DYRK4: variants seen among roughly 807,000 people sequenced by gnomAD.
The protein encoded by DYRK4 is dual specificity tyrosine phosphorylation regulated kinase 4, also known as dual specificity tyrosine-phosphorylation-regulated kinase 4.
In DYRK4, 64 loss-of-function variants were observed where a neutral mutation model predicts 68.3. The ratio of observed to expected loss-of-function variants is 0.94; its 90% CI spans 0.77 to 1.15. The LOEUF is 1.15. Among genes scored for constraint, DYRK4 ranks in the 50% most tolerant of loss-of-function variants. DYRK4 has a pLI of 0.00. For synonymous variants in DYRK4, 274 were observed against 289.9 expected, an observed-to-expected ratio of 0.95 and a Z score of 0.56; for missense variants, 740 against 764.7, an observed-to-expected ratio of 0.97 and a Z score of 0.38.
chr12:4,606,566 A>C (rs181979810), intron 11 of DYRK4, among the ~76,000 whole-genome samples: 1 of 152,206 alleles, frequency 6.6e-6, no homozygotes, highest in Non-Finnish European at 1.5e-5. Context: ...GGCATTTCCC[A>C]GCTCTGGACT....
intron 2 of DYRK4, among the ~76,000 whole-genome samples, chr12:4,569,644 A>G (rs533512906): frequency 1.4e-4 from 22 of 152,168 alleles, no homozygotes; most frequent in African/African-American, 5.3e-4. Context: ...ATTTGAAAGT[A>G]GAGACAGGGT....
At chr12:4,579,384 A>G (rs1489215607) in intron 2 of DYRK4, among the ~76,000 whole-genome samples, 2 of 152,204 alleles carry the variant, frequency 1.3e-5, no homozygotes, top group African/African-American at 4.8e-5. Context: ...ATGCAGGTAG[A>G]AACAGTTCTC....
At chr12:4,612,771 C>T (rs1481013834) in intron 14 of DYRK4, 53 bp downstream of exon 14, 1 of 1,581,432 alleles carries the variant, frequency 6.3e-7, no homozygotes, top group South Asian at 1.1e-5. Flanking sequence ...AATTAATATT[C>T]TAGAATTCTG....
intron 10 of DYRK4, among the ~76,000 whole-genome samples, chr12:4,600,657 A>C (rs1356500003): frequency 6.6e-6 from 1 of 151,426 alleles, no homozygotes; most frequent in Admixed American, 6.6e-5. Context: ...AGAATATAAT[A>C]AAAGACACAG....
At chr12:4,562,978 T>C (rs1944643543) in intron 1 of DYRK4, 1 of 438,320 alleles carries the variant, frequency 2.3e-6, no homozygotes, top group South Asian at 1.6e-5. Flanking sequence ...CCCTCAAAGC[T>C]TAGGAAAACC....
Position 4,613,337 on chromosome 12 carries a change from A to C in DYRK4, c.1667-178A>C, listed in dbSNP as rs530401130. ...CAGGGTCGCTGAAATGATCAGACGA[A>C]TTAGTAAATGTACAGTGCTTAGAAT... On this transcript the variant is annotated intron_variant, in intron 14 of 14. Coordinates refer to ENST00000543431, the MANE Select transcript of DYRK4 (RefSeq NM_001394779.1). The surrounding 1 kb of genome is among the most constrained non-coding windows in gnomAD (Gnocchi z 4.0). 6.6e-6 allele frequency among the ~76,000 whole-genome samples: 1 copy of C among 152,354 alleles called. No individual in the cohort carries two copies. The highest frequency in any genetic ancestry group is 2.1e-4 in the South Asian group (1 of 4,830).
intron 2 of DYRK4, among the ~76,000 whole-genome samples, chr12:4,574,737 A>G (rs1321597409): frequency 2.0e-5 from 3 of 152,112 alleles, no homozygotes; most frequent in East Asian, 3.8e-4. Flanking sequence ...AGTTTTTTTT[A>G]GACACAGTCT....
intron 2 of DYRK4, among the ~76,000 whole-genome samples, chr12:4,570,568 T>A: frequency 6.6e-6 from 1 of 152,210 alleles, no homozygotes; most frequent in East Asian, 1.9e-4. Context: ...ATGAATTGTA[T>A]GACTTATAAT....
At chr12:4,570,040 AAATAATAATAATAATAAT>A (rs58464815) in intron 2 of DYRK4, among the ~76,000 whole-genome samples, 7,251 of 141,220 alleles carry the variant, frequency 0.051, 302 homozygotes, top group South Asian at 0.22. Flanking sequence ...CTGTCGCTAT[AAATAATAATAATAATAAT>A]AATAATAATA....
rs1266062976 is a variant in DYRK4, at chr12:4,562,284, G to GT, written c.38+2dup. On this transcript the variant is annotated splice_donor_variant, in intron 1 of 14. Transcript: ENST00000543431. LOFTEE classifies it high-confidence loss of function. ...CGCCGCCTATCCGCACCGGAACAAA[G>GT]TAAGGGCCGCGGAGGCTCGTACTTC... 1 of 1,532,258 alleles carries GT rather than the reference G, an allele frequency of 6.5e-7. No homozygotes were observed. Among genetic ancestry groups the GT allele is most frequent in the Admixed American group, 2.0e-5 (1 of 50,604 alleles). 94.9% of individuals were successfully genotyped at this position (1,532,258 alleles called of 1,614,324 possible). A position where few individuals can be genotyped will look rare whatever the true frequency, so the allele number is the denominator to read the frequency against.
At position 4,562,212 on chromosome 12, in the gene DYRK4, C is replaced by T. The variant is rs1011499071; in HGVS notation, c.-34C>T. 2.0e-6 allele frequency: 3 copies of T among 1,523,408 alleles called. No individual in the cohort carries two copies. Among genetic ancestry groups the T allele is most frequent in the Middle Eastern group, 1.7e-4 (1 of 5,900 alleles). The allele number at this position is 1,523,408 out of a possible 1,614,324, so 94.4% of individuals were successfully genotyped here. A position where few individuals can be genotyped will look rare whatever the true frequency, so the allele number is the denominator to read the frequency against. The stretch of plus-strand genomic sequence containing the variant: ...CTTGCCCTCTGCCGGGCTCTCACAG[C>T]CTCCCGCAGCGGCGGGCGGTCAGCG... On this transcript the variant is annotated 5_prime_UTR_variant, in exon 1 of 15. Transcript: ENST00000543431.
chr12:4,566,592 G>A (rs1227757197), intron 1 of DYRK4, among the ~76,000 whole-genome samples: 1 of 152,222 alleles, frequency 6.6e-6, no homozygotes, highest in African/African-American at 2.4e-5. Context: ...CACATGCATT[G>A]TCATGATCTA....
At position 4,606,831 on chromosome 12, in the gene DYRK4, T is replaced by G. The variant is rs188121275; in HGVS notation, c.1300-496T>G. ...GCAGGTGACCCACACTGTAATTTCC[T>G]TATCTCTGTGTGCCCCTCTAAGTTG... is the stretch of plus-strand genomic sequence containing the variant. On this transcript the variant is annotated intron_variant, in intron 11 of 14. Coordinates refer to ENST00000543431, the MANE Select transcript of DYRK4 (RefSeq NM_001394779.1). Among the ~76,000 whole-genome samples the G allele has an allele frequency of 7.6e-4, 116 of 152,294 alleles. 1 individual carries two copies. The highest frequency in any genetic ancestry group is 6.8e-3 in the Middle Eastern group (2 of 294).
At chr12:4,570,077 AATG>A (rs200323590) in intron 2 of DYRK4, among the ~76,000 whole-genome samples, 4 of 137,516 alleles carry the variant, frequency 2.9e-5, no homozygotes, top group Admixed American at 7.3e-5. Context: ...TAATAATAAT[AATG>A]ATAATAACAA....
At chr12:4,605,557 A>G (rs555186740) in intron 11 of DYRK4, among the ~76,000 whole-genome samples, 22 of 152,202 alleles carry the variant, frequency 1.4e-4, no homozygotes, top group Middle Eastern at 3.4e-3. Context: ...AGAAACTTCT[A>G]TCAATCATTA....
chr12:4,572,386 A>G (rs534592487), intron 2 of DYRK4, among the ~76,000 whole-genome samples: 1 of 152,220 alleles, frequency 6.6e-6, no homozygotes, highest in African/African-American at 2.4e-5. Context: ...GGTTCACGCC[A>G]TTCTCCTGCC....
At chr12:4,597,344 C>G (rs1945030116) in intron 8 of DYRK4, among the ~76,000 whole-genome samples, 1 of 152,182 alleles carries the variant, frequency 6.6e-6, no homozygotes, top group African/African-American at 2.4e-5. Flanking sequence ...GGAGAATAAT[C>G]AGGGGTGAGC....
chr12:4,563,710 C>G (rs1339331989), intron 1 of DYRK4, among the ~76,000 whole-genome samples: 2 of 152,206 alleles, frequency 1.3e-5, no homozygotes, highest in Non-Finnish European at 2.9e-5. Flanking sequence ...AAAAACTTCA[C>G]AGAATGCCTG....
intron 12 of DYRK4, among the ~76,000 whole-genome samples, chr12:4,608,102 C>T (rs911352309): frequency 6.6e-6 from 1 of 152,168 alleles, no homozygotes; most frequent in Non-Finnish European, 1.5e-5. Context: ...TCAACGTACA[C>T]GCACCAAAAA....
Sources: gnomAD v4.1 joint callset for allele counts (sites outside exome capture counted in the v4.1 genomes callset) on GRCh38, gnomAD v4.1.1 for gene constraint, Gnocchi (gnomAD v3.1) non-coding constraint, MANE v1.5 for transcripts, NCBI Gene and HGNC (gene_info 2026-07-23, HGNC 2026-07-21) for gene names.